The following VPS35 variants were observed in gnomAD, a reference collection of about 807,000 sequenced individuals.
The protein encoded by VPS35 is VPS35 retromer complex component, also known as vacuolar protein sorting-associated protein 35.
In VPS35, 21 loss-of-function variants were observed where a neutral mutation model predicts 98.1. The ratio of observed to expected loss-of-function variants is 0.21; its 90% confidence interval spans 0.15 to 0.31. The LOEUF is 0.31. VPS35 is among the 10% of genes least tolerant of loss of function. The probability of loss-of-function intolerance (pLI) is 1.00; values close to 1 mark genes in which losing one functional copy is unlikely to be tolerated. For missense variants in VPS35, 554 were observed against 950.8 expected, an observed-to-expected ratio of 0.58 and a Z score of 5.49; for synonymous variants, 268 against 318.2, an observed-to-expected ratio of 0.84 and a Z score of 1.68.
chr16:46,660,985 A>T, intron 16 of VPS35: 1 of 374,188 alleles, frequency 2.7e-6, no homozygotes, highest in Non-Finnish European at 5.1e-6. Flanking sequence ...CATCTCTAGT[A>T]ATAATACAAA....
rs925831197 is a variant in VPS35, at chr16:46,665,425, T to C, written c.1648-2263A>G. 2.6e-5 allele frequency among the ~76,000 whole-genome samples: 4 copies of C among 152,156 alleles called. No individual in the cohort carries two copies. The East Asian group carries it at 5.8e-4, about 22-fold the overall frequency. On this transcript the variant is annotated intron_variant, in intron 13 of 16. Transcript: ENST00000299138. ...CAGCCTAGGCAACATGGTGAGACTC[T>C]GTCTCTACAAAAAATAAAAAATTAG...
Position 46,671,794 on chromosome 16 carries a change from G to A in VPS35, c.1435C>T (p.Pro479Ser), listed in dbSNP as rs759288056. The change falls in exon 12 of 17, where the codon CCT becomes TCT. Residue 479 changes from proline (P) to serine (S), a missense_variant. Physicochemically the swap from Pro to Ser is moderately conservative, Grantham distance 74. Transcript: ENST00000299138. ...TCATCAGCAAAATCTTCTGGATCAG[G>A]GTCTTCTACAGGTTGATCTGGCTGA... ...QDQPDQPVED[P>S]DPEDFADEQS... is the part of the protein sequence containing the mutation. 6.2e-7 allele frequency: 1 copy of A among 1,613,892 alleles called. No individual in the cohort carries two copies. The highest frequency in any genetic ancestry group is 8.5e-7 in the Non-Finnish European group (1 of 1,179,998).
chr16:46,666,393 C>T (rs1012728403), intron 13 of VPS35, among the ~76,000 whole-genome samples: 17 of 152,052 alleles, frequency 1.1e-4, no homozygotes, highest in Admixed American at 5.9e-4. Context: ...CTCAGACTCC[C>T]GAGTAGCTGG....
chr16:46,677,259 A>C (rs1044264091), intron 7 of VPS35, 56 bp downstream of exon 7: 158 of 1,519,890 alleles, frequency 1.0e-4, no homozygotes, highest in Non-Finnish European at 1.2e-4. Flanking sequence ...AAAACAATTA[A>C]ATTTAATGAA....
chr16:46,662,606 C>G (rs1220528898), intron 14 of VPS35, 124 bp from the exon 15 acceptor site: 1 of 1,448,794 alleles, frequency 6.9e-7, no homozygotes, highest in Admixed American at 1.7e-5. Context: ...TCAGAACATG[C>G]TGCACCCTCT....
At chr16:46,686,775 T>G (rs1966323958) in intron 1 of VPS35, among the ~76,000 whole-genome samples, 1 of 152,202 alleles carries the variant, frequency 6.6e-6, no homozygotes, top group African/African-American at 2.4e-5. Flanking sequence ...TAAATGACCG[T>G]ACTTCACAGC....
rs1264473619 is a variant in VPS35 at position 46,661,788 on chromosome 16, G to A, written c.2141C>T (p.Ser714Phe). 2 of 1,613,952 alleles carry A rather than the reference G, an allele frequency of 1.2e-6. No homozygotes were observed. Among genetic ancestry groups the A allele is most frequent in the Non-Finnish European group, 1.7e-6 (2 of 1,179,954 alleles). ...TTCTATAAAAAGCTGCACTTGTAGA[G>A]AGGGGTCCATGCACTGATTTGCTAT... ...LKIANQCMDP[S>F]LQVQLFIEIL... Residue 714 changes from serine to phenylalanine, a missense_variant, in exon 16 of 17, where the codon TCT becomes TTT. By Grantham distance (155) the Ser-to-Phe change is radical. Around this residue, in one of 5 missense-constraint regions of VPS35, gnomAD observed 153 missense variants for 211.0 expected, o/e 0.73. Transcript: ENST00000299138. This position sits in a 1 kb window ranked among gnomAD's most constrained non-coding sequence, Gnocchi z 4.3.
In VPS35 at chr16:46,660,641, T is replaced by G. The variant is rs547805228; in HGVS notation, c.2222A>C (p.Gln741Pro). The G allele has an allele frequency of 1.2e-6, 2 of 1,613,740 alleles. No homozygotes were observed. The highest frequency in any genetic ancestry group is 1.7e-6 in the Non-Finnish European group (2 of 1,179,924). ...CTTTTGGATAAGCTGGTTTAAAACC[T>G]GAATTGTTACCTACAAAAGAATATG... is the stretch of plus-strand genomic sequence containing the variant. Reference protein sequence around the residue: ...YEKENDAVTIQVLNQLIQKIR... With the variant: ...YEKENDAVTIPVLNQLIQKIR... The change falls in exon 17 of 17, where the codon CAG becomes CCG. Residue 741 changes from glutamine to proline, a missense_variant. By Grantham distance (76) the Gln-to-Pro change is moderately conservative. Coordinates refer to ENST00000299138, the MANE Select transcript of VPS35 (RefSeq NM_018206.6).
rs1965871717 is a variant in VPS35 at position 46,659,145 on chromosome 16, A to AGGCCTCTGCCCTCAAGGAGAGGAACTGG, written c.*1299_*1326dup. On this transcript the variant is annotated 3_prime_UTR_variant, in exon 17 of 17. Transcript: ENST00000299138. ...CCTCTGCCCTCAAGGAAAGGAACTTAGGCCTCTGCCCTCAAGGAGAGGAAC... is the reference window on the plus strand; with the variant it reads ...CCTCTGCCCTCAAGGAAAGGAACTTAGGCCTCTGCCCTCAAGGAGAGGAACTGGGGCCTCTGCCCTCAAGGAGAGGAAC... The AGGCCTCTGCCCTCAAGGAGAGGAACTGG allele has an allele frequency of 3.9e-5, 6 of 152,226 alleles. No homozygotes were observed. The highest frequency in any genetic ancestry group is 5.9e-5 in the Non-Finnish European group (4 of 68,132). The allele number at this position is 152,226 out of a possible 1,614,324, so 9.4% of individuals were successfully genotyped here.
chr16:46,681,253 A>C (rs1966230098), intron 4 of VPS35, 124 bp downstream of exon 4: 1 of 1,333,464 alleles, frequency 7.5e-7, no homozygotes, highest in African/African-American at 1.5e-5. Flanking sequence ...ATATCTACCA[A>C]AATGTTCATC....
At position 46,660,527 on chromosome 16, in the gene VPS35, A is replaced by G. The variant is rs1596708323; in HGVS notation, c.2336T>C (p.Leu779Ser). 1 of 1,614,076 alleles carries G rather than the reference A, an allele frequency of 6.2e-7. No individual in the cohort carries two copies. The highest frequency in any genetic ancestry group is 2.2e-5 in the East Asian group (1 of 44,862). Residue 779 changes from leucine to serine, a missense_variant, in exon 17 of 17, where the codon TTG becomes TCG. Coordinates refer to ENST00000299138, the MANE Select transcript of VPS35 (RefSeq NM_018206.6). Reference protein sequence around the residue: ...HFHNTLEHLRLRRESPESEGP... With the variant: ...HFHNTLEHLRSRRESPESEGP... ...CTCGGATTCTGGTGATTCCCGCCGC[A>G]AGCGCAAATGCTCCAGTGTGTTATG...
intron 13 of VPS35, among the ~76,000 whole-genome samples, chr16:46,668,008 T>G (rs1966013956): frequency 6.6e-6 from 1 of 152,230 alleles, no homozygotes; most frequent in African/African-American, 2.4e-5. Context: ...AAAGAGTGAA[T>G]GATAAGCTGG....
chr16:46,669,916 A>G (rs1330604272), intron 12 of VPS35, among the ~76,000 whole-genome samples: 1 of 152,206 alleles, frequency 6.6e-6, no homozygotes, highest in Admixed American at 6.5e-5. Flanking sequence ...TATGATACAC[A>G]ACAACTATAT....
chr16:46,665,047 T>C (rs1567262834), intron 13 of VPS35, among the ~76,000 whole-genome samples: 1 of 152,320 alleles, frequency 6.6e-6, no homozygotes, highest in East Asian at 1.9e-4. Context: ...AGTAAAATTA[T>C]TGAATATTTT....
rs1296203657 is a variant in VPS35 at position 46,657,598 on chromosome 16, G to A, written c.*2874C>T. The A allele has an allele frequency of 1.3e-5, 2 of 152,208 alleles. No homozygotes were observed. The highest frequency in any genetic ancestry group is 2.9e-5 in the Non-Finnish European group (2 of 68,070). 9.4% of individuals were successfully genotyped at this position (152,208 alleles called of 1,614,324 possible). A position where few individuals can be genotyped will look rare whatever the true frequency, so the allele number is the denominator to read the frequency against. ...TCAAACGCCTCTCTCTTTGAGCAGT[G>A]TCTATCAGCAGGGGCTGTTTTTGCA... On this transcript the variant is annotated 3_prime_UTR_variant, in exon 17 of 17. Coordinates refer to ENST00000299138, the MANE Select transcript of VPS35 (RefSeq NM_018206.6).
At chr16:46,674,952 C>A (rs566319063) in intron 8 of VPS35, among the ~76,000 whole-genome samples, 2 of 151,728 alleles carry the variant, frequency 1.3e-5, no homozygotes, top group Non-Finnish European at 2.9e-5. Context: ...TGCCACCATA[C>A]CCAGCTAATT....
At position 46,689,135 on chromosome 16, in the gene VPS35, G is replaced by C; in HGVS notation, c.-2C>G. On this transcript the variant is annotated 5_prime_UTR_variant, in exon 1 of 17. Coordinates refer to ENST00000299138, the MANE Select transcript of VPS35 (RefSeq NM_018206.6). ...CACTGCCCCCTCAGCACTCACCATGGCGACTCCCCAGAGCCTGCAGCAAGC... is the reference window on the plus strand; with the variant it reads ...CACTGCCCCCTCAGCACTCACCATGCCGACTCCCCAGAGCCTGCAGCAAGC... 6.2e-7 allele frequency: 1 copy of C among 1,609,324 alleles called. No homozygotes were observed. The highest frequency in any genetic ancestry group is 8.5e-7 in the Non-Finnish European group (1 of 1,178,646).
At position 46,667,892 on chromosome 16, in the gene VPS35, T is replaced by C. The variant is rs977322703; in HGVS notation, c.1647+1038A>G. ...CCATTGGTCTATGTGTCTGTTTTTA[T>C]GCCAGTACCATATTACCATACTGCT... On this transcript the variant is annotated intron_variant, in intron 13 of 16. Transcript: ENST00000299138. Among the ~76,000 whole-genome samples, 6 of 152,354 alleles carry C rather than the reference T, an allele frequency of 3.9e-5. No individual in the cohort carries two copies. The South Asian group carries it at 6.2e-4, about 16-fold the overall frequency.
rs1965878304 is a variant in VPS35 at position 46,659,719 on chromosome 16, AATC to A, written c.*750_*752del. The A allele has an allele frequency of 1.3e-5, 2 of 152,328 alleles. No individual in the cohort carries two copies. Among genetic ancestry groups the A allele is most frequent in the South Asian group, 2.1e-4 (1 of 4,824 alleles). 9.4% of individuals were successfully genotyped at this position (152,328 alleles called of 1,614,324 possible). On this transcript the variant is annotated 3_prime_UTR_variant, in exon 17 of 17. Transcript: ENST00000299138. ...ATTGTTTCACTGGTGCAAAAAAAAA[AATC>A]ATAATTGTGATGCATTTCCTGCTAA...
Sources: allele counts gnomAD v4.1 joint callset (sites outside exome capture counted in the v4.1 genomes callset), GRCh38; gene constraint gnomAD v4.1.1; regional missense constraint gnomAD v4.1.1; non-coding constraint Gnocchi (gnomAD v3.1); transcripts MANE v1.5; gene names NCBI Gene and HGNC (gene_info 2026-07-23, HGNC 2026-07-21).